IGFL2: variants seen among roughly 807,000 people sequenced by gnomAD.
The protein encoded by IGFL2 is insulin growth factor-like family member 2.
In IGFL2, 7 loss-of-function variants were observed where a neutral mutation model predicts 13.9. The ratio of observed to expected loss-of-function variants is 0.51; its 90% CI spans 0.29 to 0.95. IGFL2 has a LOEUF of 0.95. IGFL2 is among the 40% of genes least tolerant of loss of function. The pLI is 0.08. For missense variants in IGFL2, 138 were observed against 147.8 expected, an observed-to-expected ratio of 0.93 and a Z score of 0.34; for synonymous variants, 55 against 55.8, an observed-to-expected ratio of 0.99 and a Z score of 0.07.
the IGFL2 span, among the ~76,000 whole-genome samples, chr19:46,192,110 G>A: frequency 4.6e-5 from 7 of 152,098 alleles, no homozygotes; most frequent in Admixed American, 6.5e-5. Context: ...GGTTCCAAAC[G>A]TGCCTAGAAG....
chr19:46,096,868 C>T, the IGFL2 span, among the ~76,000 whole-genome samples: 1 of 152,190 alleles, frequency 6.6e-6, no homozygotes, highest in Non-Finnish European at 1.5e-5. Flanking sequence ...ATGGATGAAG[C>T]CAGCTTGATT....
chr19:46,162,261 ATG>A (rs1974202944), downstream of IGFL2, among the ~76,000 whole-genome samples: 1 of 152,168 alleles, frequency 6.6e-6, no homozygotes, highest in Non-Finnish European at 1.5e-5. Context: ...TCTGATGATT[ATG>A]TGTCTTGGGG....
At chr19:46,129,538 C>G in the IGFL2 span, among the ~76,000 whole-genome samples, 17 of 152,158 alleles carry the variant, frequency 1.1e-4, no homozygotes, top group East Asian at 3.3e-3. Flanking sequence ...TAGCTGTGTT[C>G]CAGAGATTCT....
chr19:46,137,689 G>A, the IGFL2 span: 32 of 549,786 alleles, frequency 5.8e-5, no homozygotes, highest in South Asian at 3.2e-4. Flanking sequence ...CTTGGTCCCC[G>A]GCTTCAGGGA....
At chr19:46,157,157 C>T (rs1019544102) in intron 1 of IGFL2, among the ~76,000 whole-genome samples, 2 of 152,072 alleles carry the variant, frequency 1.3e-5, no homozygotes, top group Non-Finnish European at 2.9e-5. Context: ...AAGGAAATCT[C>T]CAAGCCCAGA....
At chr19:46,088,183 T>A in the IGFL2 span, among the ~76,000 whole-genome samples, 1 of 152,234 alleles carries the variant, frequency 6.6e-6, no homozygotes, top group African/African-American at 2.4e-5. Flanking sequence ...TCTAATGTCC[T>A]CTTTCAGATG....
the IGFL2 span, chr19:46,207,334 T>G: frequency 6.6e-6 from 1 of 152,138 alleles, no homozygotes; most frequent in African/African-American, 2.4e-5. Context: ...CTTTTGGTCT[T>G]TGTGATGACT....
the IGFL2 span, among the ~76,000 whole-genome samples, chr19:46,188,768 C>T: frequency 6.6e-6 from 1 of 152,222 alleles, no homozygotes; most frequent in Non-Finnish European, 1.5e-5. Flanking sequence ...CTGATGCCCA[C>T]ATATTTCCTA....
At chr19:46,117,408 AT>A in the IGFL2 span, among the ~76,000 whole-genome samples, 5 of 150,484 alleles carry the variant, frequency 3.3e-5, no homozygotes, top group Admixed American at 1.3e-4. Flanking sequence ...TTAAAAGTCA[AT>A]TTTTTTTTCT....
the IGFL2 span, among the ~76,000 whole-genome samples, chr19:46,082,373 C>T: frequency 3.9e-5 from 6 of 152,134 alleles, no homozygotes; most frequent in Admixed American, 3.3e-4. Context: ...CAAGGTGTTT[C>T]TCTTTAGAGA....
the IGFL2 span, among the ~76,000 whole-genome samples, chr19:46,191,888 T>C: frequency 2.0e-5 from 3 of 152,256 alleles, no homozygotes; most frequent in Non-Finnish European, 4.4e-5. Context: ...TCTTTTGTAA[T>C]CTTATTTACT....
chr19:46,157,353 A>G (rs184820824), intron 1 of IGFL2, among the ~76,000 whole-genome samples: 134 of 152,320 alleles, frequency 8.8e-4, no homozygotes, highest in Non-Finnish European at 1.4e-3. Context: ...ACTATAGACC[A>G]ATATCCTTCA....
chr19:46,214,411 T>C, the IGFL2 span: 5 of 152,366 alleles, frequency 3.3e-5, no homozygotes, highest in East Asian at 5.8e-4. Context: ...TGATGAAATT[T>C]TCAGAGGATG....
upstream of IGFL2, among the ~76,000 whole-genome samples, chr19:46,140,843 G>A (rs189773974): frequency 4.4e-4 from 67 of 152,246 alleles, no homozygotes; most frequent in Non-Finnish European, 8.5e-4. Flanking sequence ...CCAGTCTAAG[G>A]GGAGCCTCTG....
the IGFL2 span, chr19:46,124,321 G>A: frequency 6.2e-7 from 1 of 1,609,406 alleles, no homozygotes; most frequent in Non-Finnish European, 8.5e-7. Flanking sequence ...GCAGACAAGA[G>A]CTAAGGGAGA....
At chr19:46,094,685 G>T in the IGFL2 span, among the ~76,000 whole-genome samples, 1 of 151,614 alleles carries the variant, frequency 6.6e-6, no homozygotes, top group Non-Finnish European at 1.5e-5. Flanking sequence ...CCCCTCCCCT[G>T]CCCCCACTGA....
chr19:46,161,866 A>G (rs1363942960), downstream of IGFL2, among the ~76,000 whole-genome samples: 1 of 152,160 alleles, frequency 6.6e-6, no homozygotes, highest in African/African-American at 2.4e-5. Context: ...TTGTGCTGTT[A>G]GCTGGTTATT....
chr19:46,106,438 G>C, the IGFL2 span, among the ~76,000 whole-genome samples: 8 of 152,322 alleles, frequency 5.3e-5, 1 homozygote, highest in Non-Finnish European at 1.0e-4. Context: ...GTACAGCCCA[G>C]GTAAGTTGCT....
chr19:46,161,401 T>TTG (rs1974165120), downstream of IGFL2: 1 of 264,406 alleles, frequency 3.8e-6, no homozygotes. Flanking sequence ...TTGAACTCAG[T>TTG]TCTGCTGAAA....
Sources: gnomAD v4.1 joint callset for allele counts (sites outside exome capture counted in the v4.1 genomes callset) on GRCh38, gnomAD v4.1.1 for gene constraint, MANE v1.5 for transcripts, NCBI Gene and HGNC (gene_info 2026-07-23, HGNC 2026-07-21) for gene names.